The following CEACAM6 variants were observed in gnomAD, a reference collection of about 807,000 sequenced individuals.
CEACAM6 encodes cell adhesion molecule CEACAM6.
CEACAM6 carries 21 observed loss-of-function variants against 32.4 expected under a neutral mutation model. That is an observed-to-expected ratio of 0.65 (90% CI 0.46 to 0.93). The LOEUF is 0.93. CEACAM6 is among the 40% of genes least tolerant of loss of function. The pLI is 0.00. For missense variants in CEACAM6, 406 were observed against 432.2 expected, an observed-to-expected ratio of 0.94 and a Z score of 0.54; for synonymous variants, 184 against 174.4, an observed-to-expected ratio of 1.06 and a Z score of -0.43.
Position 41,761,367 on chromosome 19 carries a change from T to C in CEACAM6, c.543T>C (p.Asn181=), listed in dbSNP as rs1555821841. 19 of 1,614,196 alleles carry C rather than the reference T, an allele frequency of 1.2e-5. No individual in the cohort carries two copies. Among genetic ancestry groups the C allele is most frequent in the Admixed American group, 1.7e-5 (1 of 60,030 alleles). Residue 181 remains asparagine, a synonymous_variant, in exon 3 of 6, where the codon AAT becomes AAC. Transcript: ENST00000199764. ...VQNTTYLWWV[N]GQSLPVSPRL... is the part of the protein sequence containing the mutation. Reference sequence around the variant, plus strand: ...ACACAACCTACCTGTGGTGGGTAAATGGTCAGAGCCTCCCGGTCAGTCCCA... The same window carrying C: ...ACACAACCTACCTGTGGTGGGTAAACGGTCAGAGCCTCCCGGTCAGTCCCA...
At position 41,762,072 on chromosome 19, in the gene CEACAM6, C is replaced by T; in HGVS notation, c.807C>T (p.Tyr269=). The T allele has an allele frequency of 6.2e-7, 1 of 1,614,206 alleles. No individual in the cohort carries two copies. The highest frequency in any genetic ancestry group is 8.5e-7 in the Non-Finnish European group (1 of 1,180,040). The change falls in exon 4 of 6, where the codon TAC becomes TAT. Residue 269 remains tyrosine, a synonymous_variant. Coordinates refer to ENST00000199764, the MANE Select transcript of CEACAM6 (RefSeq NM_002483.7). ...CAGCCTCTAACCCACCTGCACAGTACTCTTGGTTTATCAATGGGACGTTCC... is the reference window on the plus strand; with the variant it reads ...CAGCCTCTAACCCACCTGCACAGTATTCTTGGTTTATCAATGGGACGTTCC... ...CHAASNPPAQ[Y]SWFINGTFQQ...
intron 5 of CEACAM6, among the ~76,000 whole-genome samples, chr19:41,767,089 T>C (rs375187732): frequency 6.6e-6 from 1 of 152,168 alleles, no homozygotes; most frequent in East Asian, 1.9e-4. Flanking sequence ...TACTAATTCT[T>C]CTTACTTTCT....
At chr19:41,759,795 T>C (rs2122913706) in intron 2 of CEACAM6, among the ~76,000 whole-genome samples, 1 of 152,312 alleles carries the variant, frequency 6.6e-6, no homozygotes, top group African/African-American at 2.4e-5. Context: ...GAACATAACA[T>C]GAGGTCTAAA....
chr19:41,763,729 C>T (rs1339294814), intron 4 of CEACAM6, among the ~76,000 whole-genome samples: 6 of 152,168 alleles, frequency 3.9e-5, no homozygotes, highest in East Asian at 1.9e-4. Flanking sequence ...TCTGACTGAA[C>T]GATGCCTGCA....
In CEACAM6 at chr19:41,755,623, G is replaced by A. The variant is rs782403618; in HGVS notation, c.-16G>A. On this transcript the variant is annotated 5_prime_UTR_variant, in exon 1 of 6. Transcript: ENST00000199764. ...GCTCCTCTACAAAGAGGTGGACAGA[G>A]AAGACAGCAGAGACCATGGGACCCC... The A allele has an allele frequency of 3.1e-6, 5 of 1,612,384 alleles. No homozygotes were observed. Among genetic ancestry groups the A allele is most frequent in the Non-Finnish European group, 4.2e-6 (5 of 1,179,022 alleles).
intron 1 of CEACAM6, among the ~76,000 whole-genome samples, chr19:41,755,910 T>C (rs1183175745): frequency 2.0e-5 from 3 of 152,130 alleles, no homozygotes; most frequent in African/African-American, 7.2e-5. Flanking sequence ...TTGATCATGT[T>C]TTCCAAGTTA....
chr19:41,766,354 G>A, intron 5 of CEACAM6, 55 bp downstream of exon 5: 1 of 932,662 alleles, frequency 1.1e-6, no homozygotes, highest in Non-Finnish European at 1.6e-6. Context: ...ACCATGCTTG[G>A]GAAAGGAAAA....
At chr19:41,765,194 G>A (rs1386229833) in intron 4 of CEACAM6, among the ~76,000 whole-genome samples, 1 of 152,150 alleles carries the variant, frequency 6.6e-6, no homozygotes, top group East Asian at 1.9e-4. Flanking sequence ...ATCACCCTAA[G>A]CCTCTGTCTT....
At chr19:41,757,390 C>T (rs534796411) in intron 2 of CEACAM6, among the ~76,000 whole-genome samples, 1 of 152,180 alleles carries the variant, frequency 6.6e-6, no homozygotes, top group African/African-American at 2.4e-5. Context: ...TCCAGGTGAT[C>T]CTGGGGAGTC....
intron 4 of CEACAM6, among the ~76,000 whole-genome samples, chr19:41,763,617 C>T (rs1568727161): frequency 6.6e-6 from 1 of 152,174 alleles, no homozygotes. Flanking sequence ...CAGGTGGCCT[C>T]GATCTCCGAG....
At chr19:41,762,431 A>G (rs1279010073) in intron 4 of CEACAM6, among the ~76,000 whole-genome samples, 5 of 151,376 alleles carry the variant, frequency 3.3e-5, no homozygotes, top group African/African-American at 1.2e-4. Flanking sequence ...TTGATTTCTC[A>G]TGTCTGACTT....
chr19:41,761,285 C>T lies in CEACAM6; in HGVS notation c.461C>T (p.Ser154Phe), dbSNP rs1198011351. 5.0e-6 allele frequency: 8 copies of T among 1,614,076 alleles called. No homozygotes were observed. Among genetic ancestry groups the T allele is most frequent in the Non-Finnish European group, 6.8e-6 (8 of 1,180,034 alleles). Reference sequence around the variant, plus strand: ...AAGCCCTCCATCTCCAGCAACAACTCCAACCCCGTGGAGGACAAGGATGCT... The same window carrying T: ...AAGCCCTCCATCTCCAGCAACAACTTCAACCCCGTGGAGGACAAGGATGCT... ...LPKPSISSNNSNPVEDKDAVA... is the reference protein window; with the variant it reads ...LPKPSISSNNFNPVEDKDAVA... Residue 154 changes from serine (S) to phenylalanine (F), a missense_variant, in exon 3 of 6, where the codon TCC becomes TTC. By Grantham distance (155) the Ser-to-Phe change is radical. Transcript: ENST00000199764.
chr19:41,765,878 T>C (rs2072952670), intron 4 of CEACAM6, among the ~76,000 whole-genome samples: 1 of 152,130 alleles, frequency 6.6e-6, no homozygotes, highest in Non-Finnish European at 1.5e-5. Context: ...ATTGAGACAC[T>C]GAGAAAAAGA....
Position 41,765,394 on chromosome 19 carries a change from T to C in CEACAM6, c.959-789T>C, listed in dbSNP as rs147730335. On this transcript the variant is annotated intron_variant, in intron 4 of 5. Transcript: ENST00000199764. ...CACCAAATGGAAACTCACTAGGACATGGTTACTGGCTAAACATGGGAGAGA... is the reference window on the plus strand; with the variant it reads ...CACCAAATGGAAACTCACTAGGACACGGTTACTGGCTAAACATGGGAGAGA... Among the ~76,000 whole-genome samples, 223 of 152,268 alleles carry C rather than the reference T, an allele frequency of 1.5e-3. 2 individuals carry two copies. The highest frequency in any genetic ancestry group is 5.3e-3 in the African/African-American group (220 of 41,550).
rs1349565730 is a variant in CEACAM6 at position 41,761,295 on chromosome 19, G to A, written c.471G>A (p.Val157=). The change falls in exon 3 of 6, where the codon GTG becomes GTA. Residue 157 remains valine, a synonymous_variant. Transcript: ENST00000199764. The part of the protein sequence containing the change: ...PSISSNNSNP[V]EDKDAVAFTC... The stretch of plus-strand genomic sequence containing the variant: ...TCTCCAGCAACAACTCCAACCCCGT[G>A]GAGGACAAGGATGCTGTGGCCTTCA... 1 of 1,614,026 alleles carries A rather than the reference G, an allele frequency of 6.2e-7. No homozygotes were observed. Among genetic ancestry groups the A allele is most frequent in the African/African-American group, 1.3e-5 (1 of 74,904 alleles).
chr19:41,766,248 G>C lies in CEACAM6; in HGVS notation c.1024G>C (p.Ala342Pro). Residue 342 changes from alanine to proline, a missense_variant, in exon 5 of 6, where the codon GCT (alanine) becomes CCT (proline). Coordinates refer to ENST00000199764, the MANE Select transcript of CEACAM6 (RefSeq NM_002483.7). ...CACGATTGGAGTGCTGGCCAGGGTG[G>C]CTCTGATATAGCAGCCCTGGTGTAT... ...GITIGVLARV[A>P]LI is the part of the protein sequence containing the mutation. The C allele has an allele frequency of 3.8e-6, 6 of 1,599,758 alleles. No individual in the cohort carries two copies. The South Asian group carries it at 5.6e-5, about 15-fold the overall frequency.
intron 2 of CEACAM6, among the ~76,000 whole-genome samples, chr19:41,760,203 T>C (rs2072914083): frequency 6.6e-6 from 1 of 152,246 alleles, no homozygotes; most frequent in Admixed American, 6.5e-5. Flanking sequence ...ACCATGATTC[T>C]ACTCTGATTC....
At chr19:41,762,347 C>T in intron 4 of CEACAM6, 124 bp downstream of exon 4, 2 of 1,081,776 alleles carry the variant, frequency 1.8e-6, no homozygotes, top group African/African-American at 1.6e-5. Context: ...CCCAAATTCT[C>T]CCCTGAACCC....
At position 41,755,662 on chromosome 19, in the gene CEACAM6, C is replaced by T. The variant is rs1555820915; in HGVS notation, c.24C>T (p.Pro8=). Residue 8 remains proline (P), a synonymous_variant, in exon 1 of 6, where the codon CCC becomes CCT. Coordinates refer to ENST00000199764, the MANE Select transcript of CEACAM6 (RefSeq NM_002483.7). The part of the protein sequence containing the change: MGPPSAP[P]CRLHVPWKEV... Reference sequence around the variant, plus strand: ...CCATGGGACCCCCCTCAGCCCCTCCCTGCAGATTGCATGTCCCCTGGAAGG... The same window carrying T: ...CCATGGGACCCCCCTCAGCCCCTCCTTGCAGATTGCATGTCCCCTGGAAGG... 2 of 1,608,508 alleles carry T rather than the reference C, an allele frequency of 1.2e-6. No individual in the cohort carries two copies. Among genetic ancestry groups the T allele is most frequent in the African/African-American group, 2.7e-5 (2 of 74,494 alleles).
Sources: gnomAD v4.1 joint callset for allele counts (sites outside exome capture counted in the v4.1 genomes callset) on GRCh38, gnomAD v4.1.1 for gene constraint, MANE v1.5 for transcripts, NCBI Gene and HGNC (gene_info 2026-07-23, HGNC 2026-07-21) for gene names.